The following PTPN14 variants were observed in gnomAD, a reference collection of about 807,000 sequenced individuals.
PTPN14 encodes the protein tyrosine-protein phosphatase non-receptor type 14.
PTPN14 carries 53 observed loss-of-function variants against 126.8 expected under a neutral mutation model. That is an observed-to-expected ratio of 0.42 (90% CI 0.34 to 0.53). The LOEUF is 0.53. Ranked by LOEUF, PTPN14 falls within the 20% of genes least tolerant of loss-of-function variation. The probability of loss-of-function intolerance (pLI) is 0.08; values close to 1 mark genes in which losing one functional copy is unlikely to be tolerated. For synonymous variants in PTPN14, 630 were observed against 599.3 expected, an observed-to-expected ratio of 1.05 and a Z score of -0.75; for missense variants, 1,257 against 1,552.9, an observed-to-expected ratio of 0.81 and a Z score of 3.20.
chr1:214,425,848 A>G (rs145532293), intron 3 of PTPN14, among the ~76,000 whole-genome samples: 24 of 152,224 alleles, frequency 1.6e-4, no homozygotes, highest in African/African-American at 5.8e-4. Flanking sequence ...ATTTCCTGTC[A>G]TTTAATATTC....
intron 3 of PTPN14, among the ~76,000 whole-genome samples, chr1:214,442,422 T>A (rs182493705): frequency 6.6e-6 from 1 of 152,220 alleles, no homozygotes; most frequent in Non-Finnish European, 1.5e-5. Context: ...GTAAACTTTG[T>A]TTTTCTAATG....
At chr1:214,511,055 T>G (rs886908556) in intron 1 of PTPN14, among the ~76,000 whole-genome samples, 5 of 80,820 alleles carry the variant, frequency 6.2e-5, no homozygotes, top group African/African-American at 2.4e-4. Context: ...AGTCTTTGGT[T>G]TTTTTTTTTT....
chr1:214,411,499 T>C (rs951771833), intron 5 of PTPN14, among the ~76,000 whole-genome samples, 185 bp downstream of exon 5: 1 of 152,124 alleles, frequency 6.6e-6, no homozygotes, highest in African/African-American at 2.4e-5. Flanking sequence ...TAGGGAAGTG[T>C]CTTGAGGCAG....
chr1:214,480,663 G>A lies in PTPN14; in HGVS notation c.-154-15706C>T, dbSNP rs183932872. Among the ~76,000 whole-genome samples, 205 of 152,212 alleles carry A rather than the reference G, an allele frequency of 1.3e-3. 2 individuals carry two copies. The highest frequency in any genetic ancestry group is 4.7e-3 in the African/African-American group (195 of 41,512). On this transcript the variant is annotated intron_variant, in intron 1 of 18. Coordinates refer to ENST00000366956, the MANE Select transcript of PTPN14 (RefSeq NM_005401.5). ...TGCCATGTCACAGCACCTCAACCTC[G>A]GAAGCAGATCTAAGGATAGCTTTTG...
intron 11 of PTPN14, among the ~76,000 whole-genome samples, chr1:214,390,593 T>G (rs570999579): frequency 1.2e-4 from 18 of 152,342 alleles, no homozygotes; most frequent in Non-Finnish European, 2.2e-4. Flanking sequence ...ATTTTCTCAC[T>G]AGTTTATTAA....
rs1659597757 is a variant in PTPN14, at chr1:214,423,829, A to G, written c.345-9103T>C. Among the ~76,000 whole-genome samples the G allele has an allele frequency of 1.3e-5, 2 of 151,950 alleles. 1 individual carries two copies. Among genetic ancestry groups the G allele is most frequent in the Admixed American group, 1.3e-4 (2 of 15,242 alleles). On this transcript the variant is annotated intron_variant, in intron 3 of 18. Transcript: ENST00000366956. The stretch of plus-strand genomic sequence containing the variant: ...AACCACGTCTCTACTAAAAATACAA[A>G]AATTAGCCAGGCATGGTGGCTCACG...
At chr1:214,505,175 C>G (rs1432532515) in intron 1 of PTPN14, among the ~76,000 whole-genome samples, 1 of 141,672 alleles carries the variant, frequency 7.1e-6, no homozygotes, top group African/African-American at 2.7e-5. Context: ...TGTGAATACC[C>G]GCCAGGGAAA....
At chr1:214,397,565 A>T (rs1006139259) in intron 8 of PTPN14, among the ~76,000 whole-genome samples, 5 of 152,240 alleles carry the variant, frequency 3.3e-5, no homozygotes, top group African/African-American at 1.2e-4. Flanking sequence ...CATAAAAATC[A>T]GTTGGCACTC....
rs1200498385 is a variant in PTPN14 at position 214,376,243 on chromosome 1, T to A, written c.2883A>T (p.Gly961=). 5 of 1,613,992 alleles carry A rather than the reference T, an allele frequency of 3.1e-6. No individual in the cohort carries two copies. In the Admixed American group the frequency reaches 8.3e-5, roughly 27 times the overall value. ...CCTTGATGTGGGAGGCATTAATGTATCCTGTGTTATTTTCTTTGGTTGGTA... is the reference window on the plus strand; with the variant it reads ...CCTTGATGTGGGAGGCATTAATGTAACCTGTGTTATTTTCTTTGGTTGGTA... The part of the protein sequence containing the change: ...ELIPTKENNT[G]YINASHIKVV... The change falls in exon 15 of 19, where the codon GGA becomes GGT. Residue 961 remains glycine (G), a synonymous_variant. Transcript: ENST00000366956.
intron 1 of PTPN14, among the ~76,000 whole-genome samples, chr1:214,483,846 C>A (rs980400700): frequency 2.6e-5 from 4 of 152,286 alleles, no homozygotes; most frequent in South Asian, 4.1e-4. Flanking sequence ...AAACAAATTA[C>A]CTTTACCACC....
At chr1:214,391,849 G>A (rs531827498) in intron 10 of PTPN14, among the ~76,000 whole-genome samples, 6 of 152,012 alleles carry the variant, frequency 3.9e-5, no homozygotes, top group Non-Finnish European at 7.4e-5. Context: ...AGGTAATATA[G>A]CAATGGTGGA....
chr1:214,403,470 G>A (rs1659084652), intron 5 of PTPN14, among the ~76,000 whole-genome samples: 1 of 152,140 alleles, frequency 6.6e-6, no homozygotes, highest in Admixed American at 6.5e-5. Flanking sequence ...AGGAAGCCAT[G>A]ACGGCTAAAA....
At chr1:214,400,458 C>A (rs901715282) in intron 7 of PTPN14, among the ~76,000 whole-genome samples, 3 of 152,176 alleles carry the variant, frequency 2.0e-5, no homozygotes, top group Admixed American at 6.5e-5. Flanking sequence ...GTTGGTCCCA[C>A]TAAAGAAAGA....
intron 5 of PTPN14, among the ~76,000 whole-genome samples, chr1:214,406,957 C>T (rs74923428): frequency 6.6e-6 from 1 of 152,118 alleles, no homozygotes; most frequent in Non-Finnish European, 1.5e-5. Flanking sequence ...ATACCAACTA[C>T]CCCATTTGAC....
At chr1:214,393,824 G>A (rs752467814) in intron 9 of PTPN14, 47 bp from the exon 10 acceptor site, 15 of 1,418,628 alleles carry the variant, frequency 1.1e-5, no homozygotes, top group East Asian at 2.3e-5. Context: ...TGTTGAATTA[G>A]TTATACATTT....
intron 13 of PTPN14, among the ~76,000 whole-genome samples, chr1:214,382,214 G>C (rs931951709): frequency 6.6e-6 from 1 of 152,144 alleles, no homozygotes. Flanking sequence ...ATTTTTTAAA[G>C]TAGCTATAAT....
chr1:214,371,882 C>A lies in PTPN14; in HGVS notation c.3036+829G>T, dbSNP rs143110527. 8.6e-3 allele frequency among the ~76,000 whole-genome samples: 1,314 copies of A among 152,190 alleles called. 20 individuals are homozygous for A. The highest frequency in any genetic ancestry group is 0.03 in the African/African-American group (1,250 of 41,522). On this transcript the variant is annotated intron_variant, in intron 16 of 18. Transcript: ENST00000366956. ...GAAGGAAAATATGACTTTTTCCTCC[C>A]CAATTTTCTTTGTTCCTGACCCCTT...
chr1:214,524,965 T>C (rs1328393671), intron 1 of PTPN14, among the ~76,000 whole-genome samples: 1 of 152,164 alleles, frequency 6.6e-6, no homozygotes, highest in African/African-American at 2.4e-5. Context: ...GTGTACACTA[T>C]AAAGGAATCT....
At chr1:214,539,588 G>A (rs532053759) in intron 1 of PTPN14, among the ~76,000 whole-genome samples, 1 of 152,154 alleles carries the variant, frequency 6.6e-6, no homozygotes, top group East Asian at 1.9e-4. Context: ...TAATCTATCA[G>A]AATCCTCCAA....
Sources: gnomAD v4.1 joint callset for allele counts (sites outside exome capture counted in the v4.1 genomes callset) on GRCh38, gnomAD v4.1.1 for gene constraint, MANE v1.5 for transcripts, NCBI Gene and HGNC (gene_info 2026-07-23, HGNC 2026-07-21) for gene names.